IL1RAPL2: variants seen among roughly 807,000 people sequenced by gnomAD.
IL1RAPL2 encodes X-linked interleukin-1 receptor accessory protein-like 2.
Under a neutral mutation model 44.1 loss-of-function variants are expected in IL1RAPL2, and 3 were observed. The observed-to-expected ratio is 0.07, with a 90% CI of 0.03 to 0.18. The LOEUF (loss-of-function observed/expected upper bound fraction) is 0.18. Ranked by LOEUF, IL1RAPL2 falls within the 10% of genes least tolerant of loss-of-function variation. The probability of loss-of-function intolerance (pLI) is 1.00; values close to 1 mark genes in which losing one functional copy is unlikely to be tolerated. For missense variants in IL1RAPL2, 391 were observed against 496.4 expected, an observed-to-expected ratio of 0.79 and a Z score of 2.02; for synonymous variants, 181 against 178.8, an observed-to-expected ratio of 1.01 and a Z score of -0.10.
rs775173476 is a variant in IL1RAPL2, at chrX:104,673,698, A to G, written c.82+14703A>G. 5.6e-3 allele frequency among the ~76,000 whole-genome samples: 616 copies of G among 110,060 alleles called. 1 individual carries two copies. The highest frequency in any genetic ancestry group is 8.1e-3 in the Non-Finnish European group (428 of 52,713). On this transcript the variant is annotated intron_variant, in intron 2 of 10. Coordinates refer to ENST00000372582, the MANE Select transcript of IL1RAPL2 (RefSeq NM_017416.2). ...GTAAATTACCTTGGGCAGTATGGCC[A>G]TTTTCACGATATTGATTCTTCCTAC...
intron 8 of IL1RAPL2, among the ~76,000 whole-genome samples, chrX:105,744,781 G>A (rs1035518562): frequency 8.9e-6 from 1 of 111,771 alleles, no homozygotes. Flanking sequence ...AGTGCAACTA[G>A]CATTTCAGTA....
intron 2 of IL1RAPL2, among the ~76,000 whole-genome samples, chrX:105,166,003 T>C (rs893203441): frequency 8.9e-6 from 1 of 111,805 alleles, no homozygotes; most frequent in African/African-American, 3.2e-5. Flanking sequence ...TGAATTTGAA[T>C]ATTGGCTCTC....
rs142284341 is a variant in IL1RAPL2 at position 104,635,487 on chromosome X, A to G, written c.-19-23408A>G. Among the ~76,000 whole-genome samples, 19 of 111,789 alleles carry G rather than the reference A, an allele frequency of 1.7e-4. No homozygotes were observed. The East Asian group carries it at 5.1e-3, about 30-fold the overall frequency. On this transcript the variant is annotated intron_variant, in intron 1 of 10. Coordinates refer to ENST00000372582, the MANE Select transcript of IL1RAPL2 (RefSeq NM_017416.2). ...TGTCACTTTCAGGTACGCCAATCAG[A>G]CGTAGATTTAATCTTTTCACATAGT...
At chrX:105,748,137 T>C (rs1186072683) in intron 8 of IL1RAPL2, among the ~76,000 whole-genome samples, 1 of 111,592 alleles carries the variant, frequency 9.0e-6, no homozygotes, top group Non-Finnish European at 1.9e-5. Flanking sequence ...TATTTATTAA[T>C]ATCACTGATT....
chrX:104,657,679 A>T (rs960637940), intron 1 of IL1RAPL2, among the ~76,000 whole-genome samples: 13 of 111,661 alleles, frequency 1.2e-4, no homozygotes, highest in Non-Finnish European at 2.1e-4. Context: ...ATCAGAGTGA[A>T]CAGGCAACCT....
rs766892119 is a variant in IL1RAPL2 at position 105,526,454 on chromosome X, T to C, written c.772+42067T>C. On this transcript the variant is annotated intron_variant, in intron 6 of 10. Transcript: ENST00000372582. ...TATTTAATAACAGCTTTCATCAACA[T>C]TTCTCCCAATTTGTTCTTCCTTGAT... Among the ~76,000 whole-genome samples, 3 of 111,947 alleles carry C rather than the reference T, an allele frequency of 2.7e-5. No homozygotes were observed. In the South Asian group the frequency reaches 1.1e-3, roughly 42 times the overall value.
At chrX:104,604,903 G>T (rs1171114380) in intron 1 of IL1RAPL2, among the ~76,000 whole-genome samples, 1 of 111,166 alleles carries the variant, frequency 9.0e-6, no homozygotes, top group Non-Finnish European at 1.9e-5. Flanking sequence ...ATATTAGACA[G>T]ATCAAAGAGA....
Position 104,663,641 on chromosome X carries a change from T to A in IL1RAPL2, c.82+4646T>A, listed in dbSNP as rs145417014. ...AGACATGGTACTTTTATCTCTTTAA[T>A]TAGGGTGACTTCTCTGGAGGAAAAT... is the stretch of plus-strand genomic sequence containing the variant. On this transcript the variant is annotated intron_variant, in intron 2 of 10. Coordinates refer to ENST00000372582, the MANE Select transcript of IL1RAPL2 (RefSeq NM_017416.2). 3.8e-4 allele frequency among the ~76,000 whole-genome samples: 41 copies of A among 108,577 alleles called. No homozygotes were observed. In the East Asian group the frequency reaches 0.01, roughly 28 times the overall value. The allele number at this position is 108,577 out of a possible 115,157, so 94.3% of individuals were successfully genotyped here.
At chrX:105,713,548 C>T (rs189492612) in intron 6 of IL1RAPL2, among the ~76,000 whole-genome samples, 3 of 111,525 alleles carry the variant, frequency 2.7e-5, no homozygotes, top group Non-Finnish European at 5.7e-5. Context: ...TCATCCCCCA[C>T]CAGGTGCATC....
intron 2 of IL1RAPL2, among the ~76,000 whole-genome samples, chrX:104,678,972 TAATAAAA>T (rs1466981539): frequency 8.9e-6 from 1 of 111,893 alleles, no homozygotes; most frequent in Non-Finnish European, 1.9e-5. Flanking sequence ...TAAAGTTTAA[TAATAAAA>T]AAAGAATTCA....
intron 5 of IL1RAPL2, among the ~76,000 whole-genome samples, chrX:105,415,352 G>A (rs766342790): frequency 9.0e-6 from 1 of 111,193 alleles, no homozygotes; most frequent in Non-Finnish European, 1.9e-5. Context: ...AATAGGAATG[G>A]TTATCATATA....
intron 2 of IL1RAPL2, among the ~76,000 whole-genome samples, chrX:105,162,634 C>T (rs752464180): frequency 8.9e-5 from 10 of 112,312 alleles, no homozygotes; most frequent in East Asian, 8.4e-4. Context: ...TACATACACA[C>T]GCACTTACGT....
At chrX:105,697,067 G>A (rs937598251) in intron 6 of IL1RAPL2, among the ~76,000 whole-genome samples, 5 of 109,623 alleles carry the variant, frequency 4.6e-5, no homozygotes, top group African/African-American at 1.7e-4. Flanking sequence ...GAGAAAAAGG[G>A]GGGGAAATGT....
At chrX:104,663,956 T>C (rs1930444699) in intron 2 of IL1RAPL2, among the ~76,000 whole-genome samples, 1 of 109,471 alleles carries the variant, frequency 9.1e-6, no homozygotes, top group Admixed American at 9.9e-5. Flanking sequence ...AGTCCTGAGG[T>C]GGGGCTGACG....
At chrX:104,844,926 A>C (rs1352970585) in intron 2 of IL1RAPL2, among the ~76,000 whole-genome samples, 2 of 111,907 alleles carry the variant, frequency 1.8e-5, no homozygotes, top group South Asian at 3.7e-4. Context: ...TGGCTTTTGC[A>C]TTTCCTATTT....
At chrX:105,372,685 T>C (rs1048835259) in intron 5 of IL1RAPL2, among the ~76,000 whole-genome samples, 1 of 111,379 alleles carries the variant, frequency 9.0e-6, no homozygotes, top group African/African-American at 3.3e-5. Context: ...CACATGTCCA[T>C]GTATTCTCAT....
chrX:104,894,771 C>G (rs980624787), intron 2 of IL1RAPL2, among the ~76,000 whole-genome samples: 1 of 112,173 alleles, frequency 8.9e-6, no homozygotes, highest in African/African-American at 3.2e-5. Flanking sequence ...CATCTGAAGC[C>G]TTCTTGTCTC....
chrX:104,589,162 A>AAAAATGGATT (rs1304294728), intron 1 of IL1RAPL2, among the ~76,000 whole-genome samples: 2 of 111,777 alleles, frequency 1.8e-5, no homozygotes, highest in African/African-American at 6.5e-5. Flanking sequence ...AACACTAGGC[A>AAAAATGGATT]AAAATGGATT....
intron 6 of IL1RAPL2, among the ~76,000 whole-genome samples, chrX:105,579,470 A>G (rs773406329): frequency 3.6e-5 from 4 of 111,661 alleles, no homozygotes; most frequent in African/African-American, 1.3e-4. Context: ...TTTAGTGATC[A>G]CTGATTTATC....
Sources: gnomAD v4.1 joint callset for allele counts (sites outside exome capture counted in the v4.1 genomes callset) on GRCh38, gnomAD v4.1.1 for gene constraint, MANE v1.5 for transcripts, NCBI Gene and HGNC (gene_info 2026-07-23, HGNC 2026-07-21) for gene names.